The following SOX30 variants were observed in gnomAD, a reference collection of about 807,000 sequenced individuals.
SOX30 encodes the protein transcription factor SOX-30.
In SOX30, 17 loss-of-function variants were observed where a neutral mutation model predicts 58.6. The ratio of observed to expected loss-of-function variants is 0.29; its 90% CI spans 0.20 to 0.44. The LOEUF (loss-of-function observed/expected upper bound fraction) is 0.44, where lower values mean the gene tolerates loss of function less well. Ranked by LOEUF, SOX30 falls within the 20% of genes least tolerant of loss-of-function variation. The pLI is 1.00. For missense variants in SOX30, 951 were observed against 965.8 expected (o/e 0.98, Z 0.20); for synonymous variants, 421 against 400.2 (o/e 1.05, Z -0.62).
intron 2 of SOX30, among the ~76,000 whole-genome samples, chr5:157,666,643 T>C (rs992242883): frequency 2.5e-4 from 38 of 152,296 alleles, no homozygotes; most frequent in African/African-American, 8.7e-4. Context: ...TTTTCAAACA[T>C]GATCTCATTG....
chr5:157,627,938 G>T (rs986703831), intron 4 of SOX30, among the ~76,000 whole-genome samples: 1 of 151,582 alleles, frequency 6.6e-6, no homozygotes, highest in Non-Finnish European at 1.5e-5. Flanking sequence ...AGCTTGCAGT[G>T]AGCCGCGATC....
At chr5:157,627,253 CTCAGGAGGCTG>C in intron 4 of SOX30, among the ~76,000 whole-genome samples, 1 of 152,096 alleles carries the variant, frequency 6.6e-6, no homozygotes, top group African/African-American at 2.4e-5. Flanking sequence ...GTCCCAGCTA[CTCAGGAGGCTG>C]AGGCAGGAGG....
chr5:157,651,873 C>G lies in SOX30; in HGVS notation c.206G>C (p.Arg69Pro), dbSNP rs1236770031. ...CTGCTCTGGCTTCACCTGCAGCAGCCGCCGCACCGCGGGCTGTAAGCCGGA... is the reference window on the plus strand; with the variant it reads ...CTGCTCTGGCTTCACCTGCAGCAGCGGCCGCACCGCGGGCTGTAAGCCGGA... Reference protein sequence around the residue: ...VASGLQPAVRRLLQVKPEQVL... With the variant: ...VASGLQPAVRPLLQVKPEQVL... The change falls in exon 1 of 5, where the codon CGG (arginine) becomes CCG (proline). Residue 69 changes from arginine (R) to proline (P), a missense_variant. By Grantham distance (103) the Arg-to-Pro change is moderately radical (BLOSUM62 -2). Coordinates refer to ENST00000265007, the MANE Select transcript of SOX30 (RefSeq NM_178424.2). 6.4e-7 allele frequency: 1 copy of G among 1,555,038 alleles called. No homozygotes were observed.
At position 157,669,486 on chromosome 5, in the gene SOX30, T is replaced by TTTTTTTTA. The variant is rs368001314; in HGVS notation, c.-3-1635_-3-1634insTAAAAAAA. Reference sequence around the variant, plus strand: ...AGGTGTGAGCCACCGCGCCCATCAATTTTATTTATTTATTTATTTATTTAT... The same window carrying TTTTTTTTA: ...AGGTGTGAGCCACCGCGCCCATCAATTTTTTTTATTTATTTATTTATTTATTTATTTAT... On this transcript the variant is annotated intron_variant, in intron 1 of 5. Transcript: ENST00000519442. Among the ~76,000 whole-genome samples the TTTTTTTTA allele has an allele frequency of 3.4e-3, 463 of 136,732 alleles. 4 individuals are homozygous for TTTTTTTTA. The highest frequency in any genetic ancestry group is 0.012 in the African/African-American group (439 of 36,052). 89.7% of individuals were successfully genotyped at this position (136,732 alleles called of 152,430 possible).
intron 2 of SOX30, among the ~76,000 whole-genome samples, chr5:157,660,522 AG>A (rs1376959001): frequency 1.3e-5 from 2 of 151,670 alleles, no homozygotes; most frequent in African/African-American, 4.8e-5. Context: ...GGCCAAAAGG[AG>A]GGGTCCATTT....
intron 3 of SOX30, among the ~76,000 whole-genome samples, chr5:157,639,754 G>C (rs181567789): frequency 1.3e-5 from 2 of 152,178 alleles, no homozygotes; most frequent in Admixed American, 1.3e-4. Context: ...ATACAGTTTC[G>C]AATCCATTAA....
intron 2 of SOX30, among the ~76,000 whole-genome samples, chr5:157,660,751 T>G (rs1759562816): frequency 1.3e-5 from 2 of 152,112 alleles, no homozygotes. Flanking sequence ...TCCTTGAACT[T>G]TGTTCTTTCA....
chr5:157,631,018 AT>A (rs1398167140), intron 4 of SOX30, among the ~76,000 whole-genome samples: 1 of 119,802 alleles, frequency 8.3e-6, no homozygotes, highest in Non-Finnish European at 1.6e-5. Flanking sequence ...TATACTATAT[AT>A]TTTATATATA....
In SOX30 at chr5:157,638,707, GCAGGTGAGGTTTCAC is replaced by G; in HGVS notation, c.1388_1402del (p.Gly463_Pro467del). The G allele has an allele frequency of 6.2e-7, 1 of 1,607,950 alleles. No individual in the cohort carries two copies. Among genetic ancestry groups the G allele is most frequent in the Non-Finnish European group, 8.5e-7 (1 of 1,176,372 alleles). On this transcript the variant is annotated inframe_deletion and splice_region_variant, in exon 4 of 5. Transcript: ENST00000265007. ...GACTGCAGGTGTGGGCAGCTGGATA[GCAGGTGAGGTTTCAC>G]CTTTAGAAATAAAAATAGCATAAAT...
intron 2 of SOX30, 30 bp downstream of exon 2, chr5:157,648,612 TAAATTCATTTAAAAG>T (rs769365044): frequency 1.3e-6 from 2 of 1,571,536 alleles, no homozygotes; most frequent in Admixed American, 3.6e-5. Context: ...TTTAACTAAA[TAAATTCATTTAAAAG>T]AAGTAAGAGG....
At chr5:157,650,910 T>A (rs1759312888) in intron 1 of SOX30, among the ~76,000 whole-genome samples, 1 of 152,222 alleles carries the variant, frequency 6.6e-6, no homozygotes, top group Non-Finnish European at 1.5e-5. Context: ...TTTTAAAAAA[T>A]ACTTGAGAAT....
chr5:157,626,708 T>A lies in SOX30; in HGVS notation c.1894A>T (p.Ser632Cys). 6.2e-7 allele frequency: 1 copy of A among 1,606,132 alleles called. No individual in the cohort carries two copies. The change falls in exon 5 of 5, where the codon AGT (serine) becomes TGT (cysteine). Residue 632 changes from serine (S) to cysteine (C), a missense_variant. Physicochemically the swap from Ser to Cys is moderately radical, Grantham distance 112. This residue lies in a region of SOX30 where 381 missense variants were observed against 390.0 expected (regional missense o/e 0.98). Transcript: ENST00000265007. ...HYFPSSTCPY[S>C]RPPFGYGNFP... ...TTTCCATAGCCAAAGGGAGGCCGAC[T>A]GTAAGGGCATGTACTGCAGCAGAAA...
At position 157,651,355 on chromosome 5, in the gene SOX30, C is replaced by T. The variant is rs760792596; in HGVS notation, c.724G>A (p.Val242Ile). The change falls in exon 1 of 5, where the codon GTC (valine) becomes ATC (isoleucine). Residue 242 changes from valine to isoleucine, a missense_variant. Val to Ile is a conservative substitution (Grantham distance 29, BLOSUM62 3). Transcript: ENST00000265007. ...SNGLVHGSAE[V>I]ILAPTSGAFG... ...GCACCGGACGTTGGGGCCAAGATGA[C>T]CTCCGCGCTGCCATGAACCAGGCCA... The T allele has an allele frequency of 6.2e-7, 1 of 1,613,844 alleles. No individual in the cohort carries two copies. Among genetic ancestry groups the T allele is most frequent in the South Asian group, 1.1e-5 (1 of 91,080 alleles).
upstream of SOX30, among the ~76,000 whole-genome samples, chr5:157,653,151 A>G (rs1484833068): frequency 1.3e-5 from 2 of 152,210 alleles, no homozygotes; most frequent in African/African-American, 2.4e-5. Flanking sequence ...CATGCTCAGC[A>G]TGCTACTCTT....
rs1758641476 is a variant in SOX30 at position 157,626,021 on chromosome 5, C to T, written c.*319G>A. On this transcript the variant is annotated 3_prime_UTR_variant, in exon 5 of 5. Coordinates refer to ENST00000265007, the MANE Select transcript of SOX30 (RefSeq NM_178424.2). Reference sequence around the variant, plus strand: ...AAATCACACTATGCTAGATTTATTTCCCCTTTCCCCTCACATACAACTGTG... The same window carrying T: ...AAATCACACTATGCTAGATTTATTTTCCCTTTCCCCTCACATACAACTGTG... 5.0e-6 allele frequency: 1 copy of T among 198,434 alleles called. No individual in the cohort carries two copies. The highest frequency in any genetic ancestry group is 1.7e-4 in the South Asian group (1 of 5,892). The allele number at this position is 198,434 out of a possible 1,614,324, so 12.3% of individuals were successfully genotyped here. A position where few individuals can be genotyped will look rare whatever the true frequency, so the allele number is the denominator to read the frequency against.
chr5:157,668,922 TG>T (rs1759718484), intron 1 of SOX30, among the ~76,000 whole-genome samples: 2 of 152,188 alleles, frequency 1.3e-5, no homozygotes, highest in East Asian at 3.9e-4. Flanking sequence ...CCCAGGATCC[TG>T]CTGCTCATTT....
chr5:157,640,635 C>T (rs1390406389), intron 3 of SOX30, among the ~76,000 whole-genome samples: 1 of 152,148 alleles, frequency 6.6e-6, no homozygotes, highest in Non-Finnish European at 1.5e-5. Flanking sequence ...AACTCTATCG[C>T]CTGCATGTGC....
Position 157,638,205 on chromosome 5 carries a change from A to G in SOX30, c.1880+25T>C. On this transcript the variant is annotated intron_variant, in intron 4 of 4. Coordinates refer to ENST00000265007, the MANE Select transcript of SOX30 (RefSeq NM_178424.2). ...AAACTCATTAGCTGAATGTTTAGGT[A>G]AAAGGAAAAAAAATGTTAATTTACC... 4 of 1,507,536 alleles carry G rather than the reference A, an allele frequency of 2.7e-6. 1 individual carries two copies. In the South Asian group the frequency reaches 5.5e-5, roughly 21 times the overall value. 93.4% of individuals were successfully genotyped at this position (1,507,536 alleles called of 1,614,324 possible).
intron 4 of SOX30, among the ~76,000 whole-genome samples, chr5:157,632,047 TAAAAAAAAA>T (rs570172679): frequency 3.5e-4 from 20 of 56,408 alleles, no homozygotes; most frequent in African/African-American, 8.6e-4. Context: ...ACCCCGTAAC[TAAAAAAAAA>T]AAAAAAAAAA....
Sources: gnomAD v4.1 joint callset for allele counts (sites outside exome capture counted in the v4.1 genomes callset) on GRCh38, gnomAD v4.1.1 for gene constraint, gnomAD v4.1.1 regional missense constraint, MANE v1.5 for transcripts, NCBI Gene and HGNC (gene_info 2026-07-23, HGNC 2026-07-21) for gene names.